The following PIK3C2G variants were observed in gnomAD, a reference collection of about 807,000 sequenced individuals.
PIK3C2G encodes the protein phosphatidylinositol 3-kinase C2 domain-containing subunit gamma.
In PIK3C2G, 168 loss-of-function variants were observed where a neutral mutation model predicts 181.1. The observed-to-expected ratio is 0.93, with a 90% CI of 0.82 to 1.05. The LOEUF (loss-of-function observed/expected upper bound fraction) is 1.05. PIK3C2G is among the 50% of genes least tolerant of loss of function. The pLI is 0.00. For synonymous variants in PIK3C2G, 573 were observed against 592.2 expected (o/e 0.97, Z 0.47); for missense variants, 1,869 against 1,732.8 (o/e 1.08, Z -1.40).
At chr12:18,556,380 T>C (rs1301334843) in intron 26 of PIK3C2G, among the ~76,000 whole-genome samples, 2 of 152,120 alleles carry the variant, frequency 1.3e-5, no homozygotes, top group Non-Finnish European at 2.9e-5. Context: ...GGAGATGGAT[T>C]TGAGTGAAAG....
chr12:18,550,947 G>A (rs913208098), intron 26 of PIK3C2G, among the ~76,000 whole-genome samples: 3 of 152,032 alleles, frequency 2.0e-5, no homozygotes, highest in East Asian at 1.9e-4. Flanking sequence ...GCCTCTTGGA[G>A]AATGTACTCT....
At chr12:18,398,603 G>T (rs1293432955) in intron 15 of PIK3C2G, among the ~76,000 whole-genome samples, 3 of 152,142 alleles carry the variant, frequency 2.0e-5, no homozygotes, top group Non-Finnish European at 4.4e-5. Flanking sequence ...TCCTCCAATT[G>T]AACTGTGGTT....
chr12:18,557,632 C>T (rs1204529583), intron 26 of PIK3C2G, among the ~76,000 whole-genome samples: 2 of 152,070 alleles, frequency 1.3e-5, no homozygotes, highest in Non-Finnish European at 2.9e-5. Flanking sequence ...GTGGAAGTTT[C>T]TTAGCAGTGC....
chr12:18,260,565 A>G (rs960967123), upstream of PIK3C2G, among the ~76,000 whole-genome samples: 2 of 151,994 alleles, frequency 1.3e-5, no homozygotes, highest in East Asian at 3.9e-4. Flanking sequence ...CAATACTATA[A>G]ATATCTTTCC....
intron 1 of PIK3C2G, among the ~76,000 whole-genome samples, chr12:18,268,314 TGA>T (rs1948594725): frequency 6.6e-6 from 1 of 152,188 alleles, no homozygotes; most frequent in South Asian, 2.1e-4. Flanking sequence ...CTTAATTTTT[TGA>T]GTTATGTTAC....
At chr12:18,541,389 T>A (rs901830116) in intron 25 of PIK3C2G, among the ~76,000 whole-genome samples, 4 of 151,906 alleles carry the variant, frequency 2.6e-5, no homozygotes, top group Non-Finnish European at 5.9e-5. Context: ...TATTGCCGGC[T>A]GAGTTCCCGA....
chr12:18,453,037 T>C (rs1245442087), intron 18 of PIK3C2G, among the ~76,000 whole-genome samples: 1 of 152,180 alleles, frequency 6.6e-6, no homozygotes, highest in Non-Finnish European at 1.5e-5. Flanking sequence ...AGAATGTACA[T>C]TCTGTTCATT....
chr12:18,354,982 A>G (rs1440101550), intron 11 of PIK3C2G, among the ~76,000 whole-genome samples: 1 of 152,168 alleles, frequency 6.6e-6, no homozygotes, highest in East Asian at 1.9e-4. Flanking sequence ...GGTCTTAGAG[A>G]ATAGGAATTG....
chr12:18,418,875 A>G lies in PIK3C2G; in HGVS notation c.2316-2066A>G, dbSNP rs116603743. ...GTTAAAATATTGCTGGAACAGCTTC[A>G]CAGGTAAATTGATGCTTGAGCTTGG... On this transcript the variant is annotated intron_variant, in intron 16 of 32. Coordinates refer to ENST00000538779, the MANE Select transcript of PIK3C2G (RefSeq NM_001288772.2). Among the ~76,000 whole-genome samples, 1,166 of 152,316 alleles carry G rather than the reference A, an allele frequency of 7.7e-3. 16 individuals are homozygous for G. Among genetic ancestry groups the G allele is most frequent in the African/African-American group, 0.027 (1,110 of 41,584 alleles).
chr12:18,277,401 T>C (rs1216821470), intron 1 of PIK3C2G, among the ~76,000 whole-genome samples: 1 of 152,166 alleles, frequency 6.6e-6, no homozygotes, highest in South Asian at 2.1e-4. Context: ...TCAGCCGCCA[T>C]AGTTACAGAC....
At chr12:18,543,259 T>A (rs1944259228) in intron 25 of PIK3C2G, among the ~76,000 whole-genome samples, 1 of 152,048 alleles carries the variant, frequency 6.6e-6, no homozygotes, top group Non-Finnish European at 1.5e-5. Context: ...CTTGTAAATT[T>A]GTTTAAGTTT....
chr12:18,704,885 C>T, the PIK3C2G span, among the ~76,000 whole-genome samples: 1 of 152,052 alleles, frequency 6.6e-6, no homozygotes, highest in Non-Finnish European at 1.5e-5. Context: ...TACTAAATTT[C>T]TGGTCCTTAA....
intron 29 of PIK3C2G, among the ~76,000 whole-genome samples, chr12:18,580,692 C>G (rs1946452423): frequency 6.6e-6 from 1 of 152,138 alleles, no homozygotes; most frequent in African/African-American, 2.4e-5. Context: ...CCATGTAACT[C>G]TAATATGAAT....
intron 5 of PIK3C2G, among the ~76,000 whole-genome samples, chr12:18,303,144 T>TTTCTTTCTTTC (rs1491046164): frequency 4.0e-4 from 44 of 110,620 alleles, no homozygotes; most frequent in African/African-American, 1.5e-3. Context: ...CTTTCTTTTC[T>TTTCTTTCTTTC]TTTCTTTCTT....
intron 18 of PIK3C2G, among the ~76,000 whole-genome samples, chr12:18,456,508 T>C (rs535877824): frequency 2.0e-5 from 3 of 152,238 alleles, no homozygotes; most frequent in Admixed American, 1.3e-4. Flanking sequence ...CACAAGAGAT[T>C]GGTTGGACCA....
At chr12:18,255,153 T>C (rs867656245) in intron 1 of PIK3C2G, among the ~76,000 whole-genome samples, 4 of 151,228 alleles carry the variant, frequency 2.6e-5, no homozygotes, top group Admixed American at 6.6e-5. Flanking sequence ...GAAGTGGAGA[T>C]TGCGGTGAGC....
intron 24 of PIK3C2G, among the ~76,000 whole-genome samples, chr12:18,514,525 T>C (rs1257830961): frequency 1.3e-5 from 2 of 152,044 alleles, no homozygotes; most frequent in East Asian, 1.9e-4. Flanking sequence ...AAGTGCCTTT[T>C]TGATGTCTTT....
chr12:18,711,837 A>G, the PIK3C2G span, among the ~76,000 whole-genome samples: 1 of 152,084 alleles, frequency 6.6e-6, no homozygotes, highest in South Asian at 2.1e-4. Context: ...GTAGAAATAA[A>G]TAAATTTAGA....
chr12:18,684,992 A>G, the PIK3C2G span, among the ~76,000 whole-genome samples: 1 of 152,006 alleles, frequency 6.6e-6, no homozygotes, highest in Non-Finnish European at 1.5e-5. Flanking sequence ...CATGATTCTA[A>G]GTTTCCTGAG....
Sources: allele counts gnomAD v4.1 joint callset (sites outside exome capture counted in the v4.1 genomes callset), GRCh38; gene constraint gnomAD v4.1.1; transcripts MANE v1.5; gene names NCBI Gene and HGNC (gene_info 2026-07-23, HGNC 2026-07-21).